Variants in SUCO observed in about 807,000 individuals in gnomAD.
The protein encoded by SUCO is SUN domain-containing ossification factor.
SUCO carries 57 observed loss-of-function variants against 148.1 expected under a neutral mutation model. The observed-to-expected ratio is 0.38, with a 90% CI of 0.31 to 0.48. SUCO has a LOEUF of 0.48. SUCO is among the 20% of genes least tolerant of loss of function. The pLI, the probability that SUCO is intolerant of heterozygous loss-of-function variation, is 0.96. For missense variants in SUCO, 1,331 were observed against 1,468.2 expected (o/e 0.91, Z 1.53); for synonymous variants, 470 against 502.7 (o/e 0.93, Z 0.87).
intron 6 of SUCO, among the ~76,000 whole-genome samples, chr1:172,568,032 G>C (rs888924333): frequency 6.6e-6 from 1 of 152,146 alleles, no homozygotes; most frequent in Non-Finnish European, 1.5e-5. Flanking sequence ...TCTTATATGA[G>C]TGTGAACCCT....
At chr1:172,541,849 A>T (rs1172462817) in intron 1 of SUCO, 1 of 982,898 alleles carries the variant, frequency 1.0e-6, no homozygotes, top group Non-Finnish European at 1.2e-6. Flanking sequence ...AAAATTATGA[A>T]TCTGTGAAAT....
chr1:172,536,264 G>T (rs562954348), intron 1 of SUCO, among the ~76,000 whole-genome samples: 1 of 149,046 alleles, frequency 6.7e-6, no homozygotes, highest in Non-Finnish European at 1.5e-5. Context: ...GTACTTTATA[G>T]GTCAGAGGCC....
chr1:172,548,146 G>GT (rs1048281847), intron 1 of SUCO, among the ~76,000 whole-genome samples: 1 of 151,790 alleles, frequency 6.6e-6, no homozygotes, highest in African/African-American at 2.4e-5. Flanking sequence ...TCTATTATCA[G>GT]TTTTTTCCAT....
At chr1:172,537,777 A>C (rs1232459885) in intron 1 of SUCO, among the ~76,000 whole-genome samples, 1 of 152,210 alleles carries the variant, frequency 6.6e-6, no homozygotes, top group African/African-American at 2.4e-5. Context: ...AGTCTCATAC[A>C]TTTGGCAAAT....
At chr1:172,597,485 A>T (rs1657201113) in intron 19 of SUCO, among the ~76,000 whole-genome samples, 1 of 151,952 alleles carries the variant, frequency 6.6e-6, no homozygotes, top group African/African-American at 2.4e-5. Flanking sequence ...AACATAGAGG[A>T]CTTTCCTGCA....
At chr1:172,547,682 T>C (rs1250440379) in intron 1 of SUCO, among the ~76,000 whole-genome samples, 1 of 152,146 alleles carries the variant, frequency 6.6e-6, no homozygotes, top group Non-Finnish European at 1.5e-5. Context: ...TGAATAGACA[T>C]GACAAATGCA....
chr1:172,566,043 C>T (rs867688325), intron 6 of SUCO, among the ~76,000 whole-genome samples: 14 of 152,188 alleles, frequency 9.2e-5, no homozygotes, highest in African/African-American at 3.1e-4. Context: ...GTGGGAGGGG[C>T]TTGCACAGGG....
At chr1:172,544,765 G>A (rs1652737269) in intron 1 of SUCO, among the ~76,000 whole-genome samples, 1 of 152,184 alleles carries the variant, frequency 6.6e-6, no homozygotes, top group Admixed American at 6.5e-5. Flanking sequence ...GAATTTTAGA[G>A]ATTTTTAAAT....
Position 172,608,809 on chromosome 1 carries a change from GTTTA to G in SUCO, c.3321+11_3321+14del, listed in dbSNP as rs775553556. 15 of 1,541,260 alleles carry G rather than the reference GTTTA, an allele frequency of 9.7e-6. No individual in the cohort carries two copies. The highest frequency in any genetic ancestry group is 1.4e-5 in the African/African-American group (1 of 72,022). ...GTTTTCTCCAGAAAAGAAGGTAATT[GTTTA>G]TTTCTTTTTAAGTTTATTGCTATGT... On this transcript the variant is annotated splice_region_variant and intron_variant, in intron 23 of 23. Transcript: ENST00000263688.
In SUCO at chr1:172,533,157, G is replaced by T; in HGVS notation, c.-279G>T. 2.0e-6 allele frequency: 3 copies of T among 1,466,048 alleles called. No homozygotes were observed. Among genetic ancestry groups the T allele is most frequent in the Non-Finnish European group, 2.7e-6 (3 of 1,113,370 alleles). 90.8% of individuals were successfully genotyped at this position (1,466,048 alleles called of 1,614,324 possible). ...CCGGCGGGCGGGGAGGATATGGGGC[G>T]GCAGTGGCGGCTGCAGGAGGCGGGC... On this transcript the variant is annotated 5_prime_UTR_variant, in exon 1 of 24. Coordinates refer to ENST00000263688, the MANE Select transcript of SUCO (RefSeq NM_014283.5).
chr1:172,533,237 C>A lies in SUCO; in HGVS notation c.-199C>A. ...GGTCCCCGGAGTCCTGTGAAGCGCCCCTGTCCGCGCCTCTGTGGGGCCCTC... is the reference window on the plus strand; with the variant it reads ...GGTCCCCGGAGTCCTGTGAAGCGCCACTGTCCGCGCCTCTGTGGGGCCCTC... On this transcript the variant is annotated 5_prime_UTR_variant, in exon 1 of 24. Transcript: ENST00000263688. The A allele has an allele frequency of 6.5e-7, 1 of 1,546,468 alleles. No homozygotes were observed. The highest frequency in any genetic ancestry group is 8.7e-7 in the Non-Finnish European group (1 of 1,145,952).
intron 19 of SUCO, among the ~76,000 whole-genome samples, chr1:172,594,272 CTG>C (rs1656912120): frequency 4.7e-5 from 7 of 149,862 alleles, no homozygotes; most frequent in Non-Finnish European, 8.9e-5. Flanking sequence ...TTTTGTGTCT[CTG>C]TCTCCTTCAG....
Position 172,610,086 on chromosome 1 carries a change from G to A in SUCO, c.3592G>A (p.Glu1198Lys), listed in dbSNP as rs200810225. 11 of 1,613,866 alleles carry A rather than the reference G, an allele frequency of 6.8e-6. No individual in the cohort carries two copies. The East Asian group carries it at 2.5e-4, about 36-fold the overall frequency. ...TGGACAGTCTCAAAAGACAAAAACT[G>A]AGAAGAGGGCTTTAAAACGAAGACG... ...CNGQSQKTKT[E>K]KRALKRRRSK... Residue 1198 changes from glutamate (E) to lysine (K), a missense_variant, in exon 24 of 24, where the codon GAG (glutamate) becomes AAG (lysine). By Grantham distance (56) the Glu-to-Lys change is moderately conservative. Transcript: ENST00000263688.
At chr1:172,588,733 T>G in intron 17 of SUCO, 27 bp from the exon 18 acceptor site, 1 of 1,348,508 alleles carries the variant, frequency 7.4e-7, no homozygotes, top group Non-Finnish European at 9.6e-7. Flanking sequence ...AGTAAGTGAT[T>G]TATAATTATG....
At chr1:172,609,230 A>T (rs1281083805) in intron 23 of SUCO, 1 of 981,198 alleles carries the variant, frequency 1.0e-6, no homozygotes, top group Admixed American at 6.2e-5. Context: ...TTTTTTTTTA[A>T]TAAAAAAACA....
At chr1:172,602,548 T>TC in intron 21 of SUCO, 148 bp from the exon 22 acceptor site, 2 of 1,429,828 alleles carry the variant, frequency 1.4e-6, no homozygotes, top group Non-Finnish European at 1.8e-6. Flanking sequence ...AATTTTTTTT[T>TC]CCACCTGTAT....
chr1:172,545,860 C>T (rs1414349020), intron 1 of SUCO, among the ~76,000 whole-genome samples: 1 of 152,174 alleles, frequency 6.6e-6, no homozygotes, highest in African/African-American at 2.4e-5. Context: ...TGAGTTGAGG[C>T]ATATAGGCTG....
intron 10 of SUCO, chr1:172,575,014 G>A: frequency 2.6e-6 from 1 of 378,360 alleles, no homozygotes; most frequent in Non-Finnish European, 3.6e-6. Flanking sequence ...TTATTTTGAG[G>A]AGTTCTTATA....
chr1:172,610,024 A>G lies in SUCO; in HGVS notation c.3530A>G (p.Tyr1177Cys). Reference sequence around the variant, plus strand: ...ACTTCATCACAGTCAGAAGAGTCCTATTTTTGTGGCATTTCAGCTTGCACA... The same window carrying G: ...ACTTCATCACAGTCAGAAGAGTCCTGTTTTTGTGGCATTTCAGCTTGCACA... ...SETSSQSEESYFCGISACTSL... is the reference protein window; with the variant it reads ...SETSSQSEESCFCGISACTSL... The change falls in exon 24 of 24, where the codon TAT becomes TGT. Residue 1177 changes from tyrosine to cysteine, a missense_variant. By Grantham distance (194) the Tyr-to-Cys change is radical. This residue lies in a region of SUCO where 334 missense variants were observed against 352.3 expected (regional missense o/e 0.95). Coordinates refer to ENST00000263688, the MANE Select transcript of SUCO (RefSeq NM_014283.5). The G allele has an allele frequency of 3.1e-6, 5 of 1,613,966 alleles. No homozygotes were observed. The highest frequency in any genetic ancestry group is 4.2e-6 in the Non-Finnish European group (5 of 1,179,894).
Sources: allele counts gnomAD v4.1 joint callset (sites outside exome capture counted in the v4.1 genomes callset), GRCh38; gene constraint gnomAD v4.1.1; regional missense constraint gnomAD v4.1.1; transcripts MANE v1.5; gene names NCBI Gene and HGNC (gene_info 2026-07-23, HGNC 2026-07-21).